INPP5A: variants seen among roughly 807,000 people sequenced by gnomAD.
The protein encoded by INPP5A is inositol polyphosphate-5-phosphatase A, also known as 43 kDa inositol polyphosphate 5-phophatase.
A neutral mutation model predicts 65.2 loss-of-function variants in INPP5A; 14 were observed. The ratio of observed to expected loss-of-function variants is 0.21; its 90% confidence interval spans 0.14 to 0.34. INPP5A has a LOEUF of 0.34. Among genes scored for constraint, INPP5A ranks in the 10% least tolerant of loss-of-function variants. The pLI is 1.00. For missense variants in INPP5A, 431 were observed against 545.6 expected (o/e 0.79, Z 2.09); for synonymous variants, 207 against 208.3 (o/e 0.99, Z 0.05).
intron 2 of INPP5A, among the ~76,000 whole-genome samples, chr10:132,628,284 C>G (rs1408309540): frequency 1.3e-5 from 2 of 152,174 alleles, no homozygotes; most frequent in Non-Finnish European, 1.5e-5. Context: ...GGCTGTGTAA[C>G]CTCACCGTGC....
intron 1 of INPP5A, among the ~76,000 whole-genome samples, chr10:132,544,518 C>T (rs946627345): frequency 2.0e-5 from 3 of 152,030 alleles, no homozygotes; most frequent in Admixed American, 6.6e-5. Flanking sequence ...TTTGCCAGGG[C>T]TCATAAGCGG....
In INPP5A at chr10:132,768,711, C is replaced by G. The variant is rs553990806; in HGVS notation, c.977+2865C>G. Among the ~76,000 whole-genome samples the G allele has an allele frequency of 2.6e-5, 4 of 152,390 alleles. No homozygotes were observed. The East Asian group carries it at 5.8e-4, about 22-fold the overall frequency. ...TGTGTCTGACCCAGCTCCTCAGAAG[C>G]TGGGAGCCGAGCCGCCATCTGTACC... On this transcript the variant is annotated intron_variant, in intron 12 of 15. Transcript: ENST00000368594.
intron 1 of INPP5A, among the ~76,000 whole-genome samples, chr10:132,577,569 C>T (rs2071425623): frequency 6.6e-6 from 1 of 152,168 alleles, no homozygotes; most frequent in Non-Finnish European, 1.5e-5. Flanking sequence ...GGGGCCTGAG[C>T]CCCCCATGGG....
intron 4 of INPP5A, among the ~76,000 whole-genome samples, chr10:132,686,259 GGACTCCT>G (rs1411381826): frequency 2.6e-5 from 4 of 152,252 alleles, no homozygotes; most frequent in Non-Finnish European, 5.9e-5. Context: ...GGGGGCTGGA[GGACTCCT>G]GCCCGTGTCT....
chr10:132,634,425 C>T (rs988666796), intron 2 of INPP5A, among the ~76,000 whole-genome samples: 3 of 152,072 alleles, frequency 2.0e-5, no homozygotes, highest in African/African-American at 4.8e-5. Flanking sequence ...CCCGGAGAGG[C>T]GTGTCATCTC....
chr10:132,602,946 C>A (rs1231258819), intron 1 of INPP5A, among the ~76,000 whole-genome samples: 2 of 152,186 alleles, frequency 1.3e-5, no homozygotes, highest in African/African-American at 4.8e-5. Flanking sequence ...CTTATTTTCT[C>A]TCCTGATTCC....
At chr10:132,654,849 C>T (rs905627400) in intron 4 of INPP5A, among the ~76,000 whole-genome samples, 6 of 152,194 alleles carry the variant, frequency 3.9e-5, no homozygotes, top group African/African-American at 1.2e-4. Context: ...GTGGGGGGGA[C>T]GCGGCTGAGG....
At chr10:132,700,469 T>A (rs1845419491) in intron 6 of INPP5A, among the ~76,000 whole-genome samples, 1 of 152,248 alleles carries the variant, frequency 6.6e-6, no homozygotes, top group African/African-American at 2.4e-5. Flanking sequence ...TCTTCCCTGG[T>A]AAATTAACAA....
chr10:132,607,988 T>A (rs769064566), intron 2 of INPP5A, 32 bp downstream of exon 2: 1 of 1,605,138 alleles, frequency 6.2e-7, no homozygotes, highest in Non-Finnish European at 8.5e-7. Context: ...TCTTTTGGAT[T>A]CATTACTTAG....
chr10:132,656,954 C>T (rs2072664619), intron 4 of INPP5A, among the ~76,000 whole-genome samples: 1 of 152,192 alleles, frequency 6.6e-6, no homozygotes, highest in East Asian at 1.9e-4. Flanking sequence ...TGTGTGGGGA[C>T]TTGGGCAGGC....
At chr10:132,613,717 T>C (rs926411382) in intron 2 of INPP5A, among the ~76,000 whole-genome samples, 1 of 152,224 alleles carries the variant, frequency 6.6e-6, no homozygotes, top group Non-Finnish European at 1.5e-5. Context: ...GTTCAGCGGC[T>C]GCACTGAGGG....
intron 1 of INPP5A, among the ~76,000 whole-genome samples, chr10:132,570,098 C>T (rs1236352512): frequency 1.3e-5 from 2 of 149,256 alleles, no homozygotes; most frequent in African/African-American, 5.0e-5. Context: ...CCGCGCTGGG[C>T]CCCCACTGTT....
chr10:132,712,616 ATG>A (rs138245883), intron 8 of INPP5A, among the ~76,000 whole-genome samples: 4,840 of 137,232 alleles, frequency 0.035, 263 homozygotes, highest in African/African-American at 0.12. Context: ...GTGTGGGTGC[ATG>A]TGTGTGTGGG....
intron 1 of INPP5A, among the ~76,000 whole-genome samples, chr10:132,557,229 T>C (rs1211864351): frequency 3.3e-5 from 5 of 152,106 alleles, no homozygotes; most frequent in African/African-American, 1.2e-4. Flanking sequence ...AGGGATGGAG[T>C]CCAGGCTGAG....
chr10:132,582,511 G>A (rs1342110215), intron 1 of INPP5A, among the ~76,000 whole-genome samples: 8 of 150,788 alleles, frequency 5.3e-5, no homozygotes, highest in African/African-American at 1.7e-4. Flanking sequence ...TTGACCTCCC[G>A]GGCTCAAGCG....
chr10:132,777,096 C>G (rs1037457390), intron 12 of INPP5A, among the ~76,000 whole-genome samples: 6 of 152,282 alleles, frequency 3.9e-5, no homozygotes, highest in African/African-American at 9.6e-5. Context: ...TTCCCAGACC[C>G]GCAGAGGGCG....
rs148511338 is a variant in INPP5A, at chr10:132,749,835, A to G, written c.893A>G (p.Asn298Ser). 5.6e-6 allele frequency: 9 copies of G among 1,612,976 alleles called. No homozygotes were observed. In the East Asian group the frequency reaches 1.1e-4, roughly 20 times the overall value. The part of the protein sequence containing the change: ...YFNQEVFRDN[N>S]GTALLEFDKE... ...AACCAGGAGGTTTTCCGAGACAACAACGGCACCGCGGTGAGTTTGTGGTCC... is the reference window on the plus strand; with the variant it reads ...AACCAGGAGGTTTTCCGAGACAACAGCGGCACCGCGGTGAGTTTGTGGTCC... Residue 298 changes from asparagine to serine, a missense_variant, in exon 11 of 16, where the codon AAC (asparagine) becomes AGC (serine). Transcript: ENST00000368594.
chr10:132,666,504 A>C (rs546124472), intron 4 of INPP5A, among the ~76,000 whole-genome samples: 35 of 152,080 alleles, frequency 2.3e-4, no homozygotes, highest in Non-Finnish European at 4.6e-4. Flanking sequence ...GAAAACAGCC[A>C]CAAAAAAACC....
In INPP5A at chr10:132,549,708, G is replaced by C. The variant is rs1045459290; in HGVS notation, c.75+11537G>C. ...CTGCAGGGCGGGAGCCGGGGCTTCC[G>C]TGAGGCTCTGTGACACAGGTCGGGG... On this transcript the variant is annotated intron_variant, in intron 1 of 15. Coordinates refer to ENST00000368594, the MANE Select transcript of INPP5A (RefSeq NM_005539.5). The surrounding 1 kb of genome is among the most constrained non-coding windows in gnomAD (Gnocchi z 4.9). Among the ~76,000 whole-genome samples, 2 of 152,224 alleles carry C rather than the reference G, an allele frequency of 1.3e-5. No individual in the cohort carries two copies. Among genetic ancestry groups the C allele is most frequent in the Non-Finnish European group, 2.9e-5 (2 of 68,038 alleles).
Sources: gnomAD v4.1 joint callset for allele counts (sites outside exome capture counted in the v4.1 genomes callset) on GRCh38, gnomAD v4.1.1 for gene constraint, Gnocchi (gnomAD v3.1) non-coding constraint, MANE v1.5 for transcripts, NCBI Gene and HGNC (gene_info 2026-07-23, HGNC 2026-07-21) for gene names.